PRKAR1B: variants seen among roughly 807,000 people sequenced by gnomAD.
The protein encoded by PRKAR1B is protein kinase cAMP-dependent type I regulatory subunit beta.
PRKAR1B carries 22 observed loss-of-function variants against 46.5 expected under a neutral mutation model. The observed-to-expected ratio is 0.47, with a 90% CI of 0.34 to 0.68. The LOEUF (loss-of-function observed/expected upper bound fraction) is 0.68. PRKAR1B is among the 30% of genes least tolerant of loss of function. PRKAR1B has a pLI of 0.01. For synonymous variants in PRKAR1B, 259 were observed against 217.7 expected, an observed-to-expected ratio of 1.19 and a Z score of -1.67; for missense variants, 445 against 535.6, an observed-to-expected ratio of 0.83 and a Z score of 1.67.
At chr7:630,267 T>C (rs1227155019) in intron 4 of PRKAR1B, among the ~76,000 whole-genome samples, 1 of 152,164 alleles carries the variant, frequency 6.6e-6, no homozygotes, top group African/African-American at 2.4e-5. Context: ...GGTGAGCAGC[T>C]GAGATGTACC....
intron 9 of PRKAR1B, among the ~76,000 whole-genome samples, chr7:576,954 TTCCAACGCCATCAGCGGCCTCG>T (rs1438133472): frequency 1.9e-4 from 28 of 151,064 alleles, no homozygotes; most frequent in South Asian, 6.2e-4. Context: ...GGTGAGCATC[TTCCAACGCCATCAGCGGCCTCG>T]TCCAACGCCA....
In PRKAR1B at chr7:677,327, C is replaced by G; in HGVS notation, c.349-7G>C. The G allele has an allele frequency of 3.1e-6, 5 of 1,614,028 alleles. No homozygotes were observed. Among genetic ancestry groups the G allele is most frequent in the Non-Finnish European group, 4.2e-6 (5 of 1,179,844 alleles). ...TGTAGTCCTTGGGAATCACCTGAAG[C>G]GGAGCCAACACATCACCGTGTGAGC... is the stretch of plus-strand genomic sequence containing the variant. On this transcript the variant is annotated splice_region_variant and splice_polypyrimidine_tract_variant and intron_variant, in intron 3 of 10. Transcript: ENST00000537384.
intron 2 of PRKAR1B, among the ~76,000 whole-genome samples, chr7:691,207 G>A (rs1583425292): frequency 6.7e-6 from 1 of 150,132 alleles, no homozygotes; most frequent in Non-Finnish European, 1.5e-5. Flanking sequence ...AGGGTCCTGT[G>A]CCCACTCAAA....
intron 4 of PRKAR1B, among the ~76,000 whole-genome samples, chr7:670,993 G>A (rs768695246): frequency 2.0e-5 from 3 of 152,214 alleles, no homozygotes; most frequent in Non-Finnish European, 4.4e-5. Flanking sequence ...CGACCTCGGC[G>A]CTCTCAGTGA....
At position 685,261 on chromosome 7, in the gene PRKAR1B, CATATATACGT is replaced by C. The variant is rs1554303070; in HGVS notation, c.178-4545_178-4536del. On this transcript the variant is annotated intron_variant, in intron 2 of 10. Transcript: ENST00000537384. The stretch of plus-strand genomic sequence containing the variant: ...ACACATATAACACGTTTTATATATA[CATATATACGT>C]ATATATACGTATATATATGTATACA... Among the ~76,000 whole-genome samples, 12 of 61,438 alleles carry C rather than the reference CATATATACGT, an allele frequency of 2.0e-4. 1 individual carries two copies. The highest frequency in any genetic ancestry group is 1.4e-3 in the East Asian group (3 of 2,182). 40.3% of individuals were successfully genotyped at this position (61,438 alleles called of 152,430 possible). A position where few individuals can be genotyped will look rare whatever the true frequency, so the allele number is the denominator to read the frequency against.
Position 631,208 on chromosome 7 carries a change from C to A in PRKAR1B, c.441-23756G>T, listed in dbSNP as rs149721221. ...TCAAGTGATCCGCCCACCTTGAACT[C>A]CCAAAGTGTTGGGATGACAGGCGTG... On this transcript the variant is annotated intron_variant, in intron 4 of 10. Transcript: ENST00000537384. Among the ~76,000 whole-genome samples the A allele has an allele frequency of 2.4e-3, 360 of 152,338 alleles. 1 individual carries two copies. The highest frequency in any genetic ancestry group is 8.2e-3 in the African/African-American group (343 of 41,586).
At chr7:588,679 CGATGATGGT>C (rs1562541914) in intron 7 of PRKAR1B, among the ~76,000 whole-genome samples, 2 of 23,332 alleles carry the variant, frequency 8.6e-5, no homozygotes, top group African/African-American at 2.8e-4. Context: ...GTGGTGATGA[CGATGATGGT>C]GATGGTGGTG....
At chr7:639,257 C>T (rs984158703) in intron 4 of PRKAR1B, among the ~76,000 whole-genome samples, 2 of 152,176 alleles carry the variant, frequency 1.3e-5, no homozygotes, top group Non-Finnish European at 2.9e-5. Context: ...CGGATTTGTA[C>T]TGAGAGGCCA....
At chr7:665,924 C>T (rs772620177) in intron 4 of PRKAR1B, among the ~76,000 whole-genome samples, 1 of 152,206 alleles carries the variant, frequency 6.6e-6, no homozygotes, top group Admixed American at 6.5e-5. Context: ...CGCAGGCCAG[C>T]GGTGCTGCTC....
At chr7:681,299 A>T (rs1447698391) in intron 2 of PRKAR1B, among the ~76,000 whole-genome samples, 1 of 150,494 alleles carries the variant, frequency 6.6e-6, no homozygotes, top group Non-Finnish European at 1.5e-5. Flanking sequence ...CAGTATGAAA[A>T]TGGACTAATA....
chr7:634,949 C>A (rs537826240), intron 4 of PRKAR1B, among the ~76,000 whole-genome samples: 1 of 152,114 alleles, frequency 6.6e-6, no homozygotes, highest in African/African-American at 2.4e-5. Context: ...CTGCAACTTA[C>A]TCTCAAATGA....
At chr7:622,954 C>T (rs567161778) in intron 4 of PRKAR1B, among the ~76,000 whole-genome samples, 36 of 152,264 alleles carry the variant, frequency 2.4e-4, no homozygotes, top group South Asian at 1.5e-3. Context: ...CTCTCCATTG[C>T]GGATTTAAAC....
chr7:552,227 C>T (rs1311169587), intron 9 of PRKAR1B, among the ~76,000 whole-genome samples: 14 of 102,326 alleles, frequency 1.4e-4, no homozygotes, highest in African/African-American at 4.5e-4. Flanking sequence ...GCCACCACCA[C>T]GTCACCACCC....
chr7:724,762 C>T (rs1455106011), intron 1 of PRKAR1B, among the ~76,000 whole-genome samples: 11 of 152,240 alleles, frequency 7.2e-5, no homozygotes, highest in African/African-American at 1.9e-4. Context: ...GCTATCTCAT[C>T]CTGCAAGACC....
At chr7:726,833 TG>T (rs754181987) in intron 1 of PRKAR1B, 2 of 1,329,230 alleles carry the variant, frequency 1.5e-6, no homozygotes, top group South Asian at 2.0e-5. Context: ...CTGCCGGGGC[TG>T]GAGGCCGACA....
chr7:606,242 G>A lies in PRKAR1B; in HGVS notation c.503-3C>T, dbSNP rs747485925. On this transcript the variant is annotated splice_region_variant and splice_polypyrimidine_tract_variant and intron_variant, in intron 5 of 10. Transcript: ENST00000537384. ...ATAGAAGTTGTCTCCTTCATTCCCT[G>A]TAACAAAAGAAGAAAGTCAACAGAT... 7 of 1,612,886 alleles carry A rather than the reference G, an allele frequency of 4.3e-6. No homozygotes were observed. Among genetic ancestry groups the A allele is most frequent in the Middle Eastern group, 3.3e-4 (2 of 6,054 alleles).
At position 718,330 on chromosome 7, in the gene PRKAR1B, G is replaced by GTGTA. The variant is rs1554247189; in HGVS notation, c.-22-6804_-22-6803insTACA. On this transcript the variant is annotated intron_variant, in intron 1 of 10. Transcript: ENST00000537384. ...TATACATACATATATATGTATGTATGTATATATATATATATATCTCCTCCT... is the reference window on the plus strand; with the variant it reads ...TATACATACATATATATGTATGTATGTGTATATATATATATATATATCTCCTCCT... Among the ~76,000 whole-genome samples, 8 of 137,916 alleles carry GTGTA rather than the reference G, an allele frequency of 5.8e-5. No homozygotes were observed. In the East Asian group the frequency reaches 1.3e-3, roughly 22 times the overall value. 90.5% of individuals were successfully genotyped at this position (137,916 alleles called of 152,430 possible). A position where few individuals can be genotyped will look rare whatever the true frequency, so the allele number is the denominator to read the frequency against.
At chr7:642,521 C>G (rs963621705) in intron 4 of PRKAR1B, among the ~76,000 whole-genome samples, 39 of 151,908 alleles carry the variant, frequency 2.6e-4, no homozygotes, top group Non-Finnish European at 7.4e-5. Flanking sequence ...GTCAGGAGAT[C>G]GAGACCATCC....
intron 4 of PRKAR1B, among the ~76,000 whole-genome samples, chr7:618,032 C>T (rs544177596): frequency 1.3e-5 from 2 of 152,268 alleles, no homozygotes; most frequent in East Asian, 3.9e-4. Flanking sequence ...CCTGGGACCC[C>T]CTCACCGCCC....
Sources: gnomAD v4.1 joint callset for allele counts (sites outside exome capture counted in the v4.1 genomes callset) on GRCh38, gnomAD v4.1.1 for gene constraint, MANE v1.5 for transcripts, NCBI Gene and HGNC (gene_info 2026-07-23, HGNC 2026-07-21) for gene names.